Variants in METAP1 observed in about 807,000 individuals in gnomAD.
The protein encoded by METAP1 is methionyl aminopeptidase 1, also known as methionine aminopeptidase 1.
Under a neutral mutation model 53.8 loss-of-function variants are expected in METAP1, and 28 were observed. The ratio of observed to expected loss-of-function variants is 0.52; its 90% CI spans 0.39 to 0.71. The LOEUF is 0.71. METAP1 is among the 30% of genes least tolerant of loss of function. The probability of loss-of-function intolerance (pLI) is 0.00; values close to 1 mark genes in which losing one functional copy is unlikely to be tolerated. For synonymous variants in METAP1, 181 were observed against 165.7 expected, an observed-to-expected ratio of 1.09 and a Z score of -0.71; for missense variants, 389 against 479.8, an observed-to-expected ratio of 0.81 and a Z score of 1.77.
chr4:98,995,973 T>C, intron 1 of METAP1, 106 bp downstream of exon 1: 1 of 882,712 alleles, frequency 1.1e-6, no homozygotes, highest in Non-Finnish European at 1.8e-6. Context: ...GCGCTCCTCC[T>C]CTTCCCCCCG....
chr4:99,014,955 G>A (rs944605677), intron 1 of METAP1, among the ~76,000 whole-genome samples: 1 of 152,208 alleles, frequency 6.6e-6, no homozygotes, highest in Non-Finnish European at 1.5e-5. Context: ...GGCCCTCGGG[G>A]GCTGACCCTC....
intron 6 of METAP1, among the ~76,000 whole-genome samples, chr4:99,042,413 A>ACT (rs1291936398): frequency 7.9e-5 from 12 of 152,074 alleles, no homozygotes; most frequent in Non-Finnish European, 1.8e-4. Context: ...TAGCCTGAAG[A>ACT]CTAGAGCAGG....
At chr4:99,049,382 T>A (rs987776103) in intron 9 of METAP1, among the ~76,000 whole-genome samples, 1 of 152,220 alleles carries the variant, frequency 6.6e-6, no homozygotes, top group Non-Finnish European at 1.5e-5. Flanking sequence ...GTCAACAGTT[T>A]GCCACAGGCC....
intron 1 of METAP1, among the ~76,000 whole-genome samples, chr4:99,003,859 C>T (rs1168822521): frequency 6.6e-6 from 1 of 152,148 alleles, no homozygotes. Context: ...ATTTCCTACA[C>T]TGTTTGACTG....
chr4:99,015,508 A>G (rs1327979491), intron 1 of METAP1, among the ~76,000 whole-genome samples: 1 of 152,196 alleles, frequency 6.6e-6, no homozygotes, highest in Non-Finnish European at 1.5e-5. Flanking sequence ...ATGCTTCCTT[A>G]TGTGAAATAA....
At position 98,999,054 on chromosome 4, in the gene METAP1, TC is replaced by T. The variant is rs548851979; in HGVS notation, c.114+3189del. ...ACTGCTGACCTCAGGTGATCCACCC[TC>T]CTTGGCCTCCCAAAGTGCTGGGATT... On this transcript the variant is annotated intron_variant, in intron 1 of 10. Transcript: ENST00000296411. Among the ~76,000 whole-genome samples, 457 of 152,154 alleles carry T rather than the reference TC, an allele frequency of 3.0e-3. 10 individuals carry two copies. The highest frequency in any genetic ancestry group is 8.2e-4 in the Non-Finnish European group (56 of 67,972).
At chr4:99,014,247 TA>T (rs1363976327) in intron 1 of METAP1, among the ~76,000 whole-genome samples, 1 of 152,210 alleles carries the variant, frequency 6.6e-6, no homozygotes, top group Non-Finnish European at 1.5e-5. Flanking sequence ...GCTTGTTTGA[TA>T]AAGCAGTAAG....
intron 1 of METAP1, chr4:98,997,447 A>G (rs1256141129): frequency 6.5e-6 from 1 of 154,604 alleles, no homozygotes; most frequent in East Asian, 1.9e-4. Flanking sequence ...GACCTAGTAC[A>G]CGTCCTTTAG....
intron 2 of METAP1, 39 bp from the exon 3 acceptor site, chr4:99,034,191 T>C (rs1560717175): frequency 9.0e-6 from 11 of 1,223,392 alleles, no homozygotes; most frequent in African/African-American, 1.5e-5. Flanking sequence ...TTTCCCTCCT[T>C]CTCCTCCTTC....
At chr4:98,995,891 T>TATGCCGCCGCTGCGGG (rs1722592068) in intron 1 of METAP1, 24 bp downstream of exon 1, 8 of 1,515,286 alleles carry the variant, frequency 5.3e-6, no homozygotes, top group Non-Finnish European at 6.3e-6. Flanking sequence ...GCCCCGCGGA[T>TATGCCGCCGCTGCGGG]ATGCCGCCGC....
intron 1 of METAP1, chr4:99,026,207 C>T: frequency 1.0e-6 from 1 of 984,972 alleles, no homozygotes; most frequent in Non-Finnish European, 1.2e-6. Flanking sequence ...TCATAAGCTC[C>T]TAAATTTAGT....
chr4:99,055,063 A>G (rs555414598), intron 9 of METAP1, among the ~76,000 whole-genome samples: 28 of 152,214 alleles, frequency 1.8e-4, no homozygotes, highest in Non-Finnish European at 2.5e-4. Flanking sequence ...TGCTCAGAGC[A>G]GGGTTGCCAC....
intron 9 of METAP1, among the ~76,000 whole-genome samples, chr4:99,049,935 A>AT (rs1372821497): frequency 2.6e-5 from 4 of 152,166 alleles, no homozygotes; most frequent in Non-Finnish European, 4.4e-5. Context: ...TCTTAGCCCA[A>AT]TTTTTTTAAA....
intron 1 of METAP1, among the ~76,000 whole-genome samples, chr4:98,999,099 G>A (rs1224354384): frequency 6.6e-6 from 1 of 152,136 alleles, no homozygotes; most frequent in African/African-American, 2.4e-5. Flanking sequence ...GAGCCACCAT[G>A]CCCGGCCGAG....
intron 1 of METAP1, among the ~76,000 whole-genome samples, chr4:99,019,315 C>T (rs79778100): frequency 4.7e-4 from 71 of 152,264 alleles, no homozygotes; most frequent in African/African-American, 1.6e-3. Flanking sequence ...CTTGATGGGA[C>T]TCAAGGTGGA....
chr4:99,055,123 G>A (rs1484953837), intron 9 of METAP1, among the ~76,000 whole-genome samples: 1 of 152,078 alleles, frequency 6.6e-6, no homozygotes, highest in Non-Finnish European at 1.5e-5. Context: ...AGATGTGGTG[G>A]CTCATACCTG....
intron 7 of METAP1, among the ~76,000 whole-genome samples, chr4:99,044,155 C>T (rs1250933125): frequency 6.6e-6 from 1 of 152,114 alleles, no homozygotes; most frequent in Non-Finnish European, 1.5e-5. Context: ...TCTCAAACTC[C>T]TGGACTCAAG....
intron 1 of METAP1, among the ~76,000 whole-genome samples, chr4:99,013,532 T>C (rs1244766417): frequency 6.6e-6 from 1 of 152,188 alleles, no homozygotes; most frequent in East Asian, 1.9e-4. Flanking sequence ...TCACCAGCAG[T>C]CCAGCCACGA....
chr4:99,057,057 G>A (rs1397183174), intron 9 of METAP1, among the ~76,000 whole-genome samples: 2 of 152,134 alleles, frequency 1.3e-5, no homozygotes, highest in Non-Finnish European at 2.9e-5. Context: ...GTAGAGACAG[G>A]TTCCGCCATG....
Sources: allele counts gnomAD v4.1 joint callset (sites outside exome capture counted in the v4.1 genomes callset), GRCh38; gene constraint gnomAD v4.1.1; transcripts MANE v1.5; gene names NCBI Gene and HGNC (gene_info 2026-07-23, HGNC 2026-07-21).